LGSN: variants seen among roughly 807,000 people sequenced by gnomAD.
LGSN encodes lengsin, lens protein with glutamine synthetase domain.
LGSN carries 21 observed loss-of-function variants against 19.5 expected under a neutral mutation model. The ratio of observed to expected loss-of-function variants is 1.07; its 90% confidence interval spans 0.76 to 1.55. The LOEUF (loss-of-function observed/expected upper bound fraction) is 1.55, where lower values mean the gene tolerates loss of function less well. LGSN is among the 40% of genes most tolerant of loss of function. The probability of loss-of-function intolerance (pLI) is 0.00; values close to 1 mark genes in which losing one functional copy is unlikely to be tolerated. For synonymous variants in LGSN, 257 were observed against 215.6 expected (o/e 1.19, Z -1.68); for missense variants, 673 against 608.5 (o/e 1.11, Z -1.12).
chr6:63,454,785 T>C, the LGSN span, among the ~76,000 whole-genome samples: 6 of 98,740 alleles, frequency 6.1e-5, no homozygotes, highest in Non-Finnish European at 9.6e-5. Context: ...TTTTCTTTTT[T>C]TCTTTTTCTT....
At chr6:63,363,665 A>C in the LGSN span, among the ~76,000 whole-genome samples, 1 of 152,230 alleles carries the variant, frequency 6.6e-6, no homozygotes, top group African/African-American at 2.4e-5. Context: ...GAATATAAAG[A>C]AACAAACAAA....
the LGSN span, among the ~76,000 whole-genome samples, chr6:63,420,257 G>C: frequency 1.3e-5 from 2 of 151,202 alleles, no homozygotes; most frequent in African/African-American, 4.9e-5. Context: ...TTTCCCTTCT[G>C]CATCCCCCCG....
At chr6:63,543,468 A>G in the LGSN span, among the ~76,000 whole-genome samples, 1 of 152,236 alleles carries the variant, frequency 6.6e-6, no homozygotes, top group African/African-American at 2.4e-5. Context: ...GAAAAGGGAT[A>G]TTATCTAACT....
the LGSN span, among the ~76,000 whole-genome samples, chr6:63,365,908 T>A: frequency 1.2e-4 from 18 of 152,200 alleles, no homozygotes; most frequent in Non-Finnish European, 2.4e-4. Flanking sequence ...CTAAAAACTC[T>A]CAATAAACTA....
At chr6:63,349,307 G>T in the LGSN span, among the ~76,000 whole-genome samples, 1 of 152,228 alleles carries the variant, frequency 6.6e-6, no homozygotes, top group Non-Finnish European at 1.5e-5. Context: ...GCAGAGACTG[G>T]AGACTGGGGG....
the LGSN span, among the ~76,000 whole-genome samples, chr6:63,380,474 TG>T: frequency 2.6e-5 from 4 of 152,240 alleles, no homozygotes; most frequent in Non-Finnish European, 5.9e-5. Flanking sequence ...TGCTCCTTTT[TG>T]GTAGACAGCG....
At chr6:63,455,155 C>A in the LGSN span, among the ~76,000 whole-genome samples, 1 of 152,188 alleles carries the variant, frequency 6.6e-6, no homozygotes, top group Non-Finnish European at 1.5e-5. Context: ...CCAACTGGAT[C>A]TCAGTTACAA....
the LGSN span, among the ~76,000 whole-genome samples, chr6:63,357,860 G>T: frequency 5.9e-5 from 9 of 152,072 alleles, no homozygotes; most frequent in African/African-American, 1.9e-4. Flanking sequence ...GTTAATTTTG[G>T]CTTTTGTTGC....
the LGSN span, among the ~76,000 whole-genome samples, chr6:63,436,776 C>T: frequency 6.6e-6 from 1 of 152,164 alleles, no homozygotes; most frequent in East Asian, 1.9e-4. Context: ...TGGCTCATGC[C>T]TGTAATCCCA....
At chr6:63,402,653 A>G in the LGSN span, among the ~76,000 whole-genome samples, 4 of 152,342 alleles carry the variant, frequency 2.6e-5, no homozygotes, top group African/African-American at 9.6e-5. Context: ...GTCATTGGAA[A>G]TGAGAAGTTA....
At chr6:63,441,899 G>T in the LGSN span, 1 of 257,406 alleles carries the variant, frequency 3.9e-6, no homozygotes, top group South Asian at 4.4e-5. Flanking sequence ...CCGGAATAAT[G>T]GGTTCTTGGT....
the LGSN span, among the ~76,000 whole-genome samples, chr6:63,534,506 G>T: frequency 2.4e-3 from 361 of 151,260 alleles, 1 homozygote; most frequent in African/African-American, 8.4e-3. Flanking sequence ...TGGGGTCTAA[G>T]CCAATGCAGT....
the LGSN span, among the ~76,000 whole-genome samples, chr6:63,527,249 C>T: frequency 3.9e-5 from 6 of 152,182 alleles, no homozygotes; most frequent in African/African-American, 1.4e-4. Flanking sequence ...AAACAGAGCA[C>T]ATGTTCTCTT....
At chr6:63,328,146 G>A in the LGSN span, among the ~76,000 whole-genome samples, 1 of 152,216 alleles carries the variant, frequency 6.6e-6, no homozygotes, top group Non-Finnish European at 1.5e-5. Context: ...CCTGGGGGAA[G>A]AGGCTTGCTT....
the LGSN span, among the ~76,000 whole-genome samples, chr6:63,437,102 G>C: frequency 7.6e-6 from 1 of 131,744 alleles, no homozygotes; most frequent in East Asian, 2.5e-4. Flanking sequence ...GGAGGGAAGG[G>C]AGAAGGAAAA....
chr6:63,364,844 C>A, the LGSN span, among the ~76,000 whole-genome samples: 1 of 152,006 alleles, frequency 6.6e-6, no homozygotes, highest in African/African-American at 2.4e-5. Flanking sequence ...CTACTGGGTA[C>A]ATAACAAAAT....
At chr6:63,527,526 T>C in the LGSN span, among the ~76,000 whole-genome samples, 1 of 152,242 alleles carries the variant, frequency 6.6e-6, no homozygotes, top group Non-Finnish European at 1.5e-5. Flanking sequence ...ATGTGCTTTA[T>C]ACTGTGTCCA....
the LGSN span, among the ~76,000 whole-genome samples, chr6:63,337,534 G>A: frequency 2.0e-5 from 3 of 151,514 alleles, no homozygotes; most frequent in East Asian, 5.9e-4. Flanking sequence ...GAGGTGAGGT[G>A]GTTCTCACCT....
chr6:63,385,932 C>A, the LGSN span, among the ~76,000 whole-genome samples: 5 of 152,126 alleles, frequency 3.3e-5, no homozygotes, highest in Non-Finnish European at 7.4e-5. Context: ...AAGTCTGAGA[C>A]CTCAGACCCA....
Sources: gnomAD v4.1 joint callset for allele counts (sites outside exome capture counted in the v4.1 genomes callset) on GRCh38, gnomAD v4.1.1 for gene constraint, MANE v1.5 for transcripts, NCBI Gene and HGNC (gene_info 2026-07-23, HGNC 2026-07-21) for gene names.